SLC25A48: variants seen among roughly 807,000 people sequenced by gnomAD.
SLC25A48 encodes CTC-321K16.1.
SLC25A48 carries 29 observed loss-of-function variants against 32.2 expected under a neutral mutation model. The ratio of observed to expected loss-of-function variants is 0.90; its 90% CI spans 0.67 to 1.23. The LOEUF (loss-of-function observed/expected upper bound fraction) is 1.23, where lower values mean the gene tolerates loss of function less well. Ranked by LOEUF, SLC25A48 falls within the 50% of genes most tolerant of loss-of-function variation. The probability of loss-of-function intolerance (pLI) is 0.00; values close to 1 mark genes in which losing one functional copy is unlikely to be tolerated. For missense variants in SLC25A48, 399 were observed against 422.7 expected, an observed-to-expected ratio of 0.94 and a Z score of 0.49; for synonymous variants, 164 against 172.3, an observed-to-expected ratio of 0.95 and a Z score of 0.38.
intron 3 of SLC25A48, among the ~76,000 whole-genome samples, chr5:135,750,015 TCCA>T (rs1561475154): frequency 6.6e-6 from 1 of 152,164 alleles, no homozygotes; most frequent in African/African-American, 2.4e-5. Flanking sequence ...TGTCTCTAGC[TCCA>T]GCACCTCTTT....
chr5:135,716,224 G>C (rs1580809192), intron 3 of SLC25A48, among the ~76,000 whole-genome samples: 1 of 152,318 alleles, frequency 6.6e-6, no homozygotes, highest in East Asian at 1.9e-4. Flanking sequence ...GTCTGGGACA[G>C]CCAGCAGGAT....
In SLC25A48 at chr5:135,863,249, G is replaced by A. The variant is rs532016031; in HGVS notation, c.422-8212G>A. Among the ~76,000 whole-genome samples the A allele has an allele frequency of 2.1e-3, 326 of 152,298 alleles. 2 individuals are homozygous for A. The highest frequency in any genetic ancestry group is 3.6e-3 in the Non-Finnish European group (246 of 68,018). Reference sequence around the variant, plus strand: ...AAGTAGCAAATGAAACATCTAAGACGGTTCTTGGCATGGAGCAGGTAATCA... The same window carrying A: ...AAGTAGCAAATGAAACATCTAAGACAGTTCTTGGCATGGAGCAGGTAATCA... On this transcript the variant is annotated intron_variant, in intron 4 of 7. Transcript: ENST00000681962.
At chr5:135,804,894 C>T (rs2034672921) in intron 3 of SLC25A48, among the ~76,000 whole-genome samples, 1 of 151,280 alleles carries the variant, frequency 6.6e-6, no homozygotes. Flanking sequence ...ACTGTACACC[C>T]TGGGATATTA....
chr5:135,725,291 A>G (rs976599564), intron 3 of SLC25A48, among the ~76,000 whole-genome samples: 1 of 152,220 alleles, frequency 6.6e-6, no homozygotes, highest in Non-Finnish European at 1.5e-5. Flanking sequence ...TACTTCCTGA[A>G]GACAAGTGAT....
chr5:135,850,616 G>C, intron 3 of SLC25A48, 120 bp downstream of exon 3: 1 of 880,164 alleles, frequency 1.1e-6, no homozygotes, highest in Non-Finnish European at 1.8e-6. Flanking sequence ...TTCACACTCA[G>C]CTTGATTTTC....
chr5:135,881,969 C>T (rs939273707), intron 7 of SLC25A48, among the ~76,000 whole-genome samples: 2 of 152,194 alleles, frequency 1.3e-5, no homozygotes, highest in Non-Finnish European at 2.9e-5. Flanking sequence ...GGATGCCTGC[C>T]CAACCTGTCG....
intron 3 of SLC25A48, among the ~76,000 whole-genome samples, chr5:135,700,307 G>A (rs1258183179): frequency 2.2e-5 from 3 of 136,306 alleles, no homozygotes; most frequent in African/African-American, 8.2e-5. Context: ...AGGAGGGGGA[G>A]GTTGCAGTGA....
chr5:135,690,326 A>T (rs1754115636), intron 3 of SLC25A48, among the ~76,000 whole-genome samples: 1 of 152,194 alleles, frequency 6.6e-6, no homozygotes, highest in South Asian at 2.1e-4. Flanking sequence ...AAAATCACAT[A>T]GAGCAGTGGA....
At chr5:135,715,161 C>G (rs1754763088) in intron 3 of SLC25A48, among the ~76,000 whole-genome samples, 4 of 152,144 alleles carry the variant, frequency 2.6e-5, no homozygotes, top group Admixed American at 2.6e-4. Context: ...GATAGTGAGG[C>G]TGATGAGCCA....
intron 3 of SLC25A48, among the ~76,000 whole-genome samples, chr5:135,751,497 C>G (rs1755769630): frequency 6.6e-6 from 1 of 152,102 alleles, no homozygotes; most frequent in African/African-American, 2.4e-5. Flanking sequence ...TGAAATGTTT[C>G]CACTAGAAAT....
At position 135,694,832 on chromosome 5, in the gene SLC25A48, C is replaced by T. The variant is rs557225307; in HGVS notation, c.-521+59876C>T. On this transcript the variant is annotated intron_variant, in intron 3 of 10. Transcript: ENST00000646290. The stretch of plus-strand genomic sequence containing the variant: ...GAACTCCTGACCTCAGGTGATCCAC[C>T]CACCTTGCCCTCCCAAAGTGCTGAG... Among the ~76,000 whole-genome samples the T allele has an allele frequency of 3.3e-5, 5 of 152,260 alleles. 1 individual carries two copies. Among genetic ancestry groups the T allele is most frequent in the African/African-American group, 1.2e-4 (5 of 41,552 alleles).
At chr5:135,672,540 G>C (rs1020652293) in intron 3 of SLC25A48, among the ~76,000 whole-genome samples, 7 of 152,164 alleles carry the variant, frequency 4.6e-5, no homozygotes, top group African/African-American at 1.7e-4. Flanking sequence ...AACAGTCAAG[G>C]TCACAGCTCT....
intron 3 of SLC25A48, among the ~76,000 whole-genome samples, chr5:135,677,490 G>A (rs1753799235): frequency 1.3e-5 from 2 of 151,964 alleles, no homozygotes; most frequent in Non-Finnish European, 1.5e-5. Context: ...TTGTTGTCTG[G>A]TTGTTTTGTG....
At chr5:135,622,471 A>T (rs895754830) in intron 1 of SLC25A48, among the ~76,000 whole-genome samples, 5 of 152,242 alleles carry the variant, frequency 3.3e-5, no homozygotes, top group Admixed American at 1.3e-4. Flanking sequence ...CATCCATATG[A>T]TGAATACTCT....
intron 3 of SLC25A48, among the ~76,000 whole-genome samples, chr5:135,647,123 A>G (rs6875590): frequency 0.44 from 67,215 of 151,832 alleles, 15,358 homozygotes; most frequent in Middle Eastern, 0.51. Flanking sequence ...AAAAACACAT[A>G]CGGTTTTTAT....
At chr5:135,810,233 C>T (rs775227301) in intron 3 of SLC25A48, among the ~76,000 whole-genome samples, 4 of 152,178 alleles carry the variant, frequency 2.6e-5, no homozygotes, top group Non-Finnish European at 5.9e-5. Context: ...AATTCACTGG[C>T]TAAACTACAT....
intron 3 of SLC25A48, among the ~76,000 whole-genome samples, chr5:135,729,354 A>AT (rs201368113): frequency 0.014 from 2,014 of 146,234 alleles, 30 homozygotes; most frequent in African/African-American, 0.045. Context: ...TTGAGGAAAG[A>AT]TTTTTTTTTT....
chr5:135,865,704 C>T (rs759356944), intron 4 of SLC25A48, among the ~76,000 whole-genome samples: 18 of 152,166 alleles, frequency 1.2e-4, no homozygotes, highest in Non-Finnish European at 2.4e-4. Context: ...AAACAACACA[C>T]TCAGAAAACA....
intron 1 of SLC25A48, among the ~76,000 whole-genome samples, chr5:135,621,693 A>G (rs900494115): frequency 7.0e-6 from 1 of 143,356 alleles, no homozygotes; most frequent in African/African-American, 2.8e-5. Flanking sequence ...ATCCACTACT[A>G]AAAAAAAAAA....
Sources: allele counts gnomAD v4.1 joint callset (sites outside exome capture counted in the v4.1 genomes callset), GRCh38; gene constraint gnomAD v4.1.1; transcripts MANE v1.5; gene names NCBI Gene and HGNC (gene_info 2026-07-23, HGNC 2026-07-21).